The following CMIP variants were observed in gnomAD, a reference collection of about 807,000 sequenced individuals.
CMIP encodes the protein c-Maf inducing protein.
A neutral mutation model predicts 97.3 loss-of-function variants in CMIP; 13 were observed. The ratio of observed to expected loss-of-function variants is 0.13; its 90% CI spans 0.09 to 0.21. The LOEUF (loss-of-function observed/expected upper bound fraction) is 0.21. Ranked by LOEUF, CMIP falls within the 10% of genes least tolerant of loss-of-function variation. CMIP has a pLI of 1.00. For missense variants in CMIP, 847 were observed against 1,024.9 expected, an observed-to-expected ratio of 0.83 and a Z score of 2.37; for synonymous variants, 538 against 436.3, an observed-to-expected ratio of 1.23 and a Z score of -2.91.
intron 6 of CMIP, among the ~76,000 whole-genome samples, chr16:81,661,584 A>G (rs956084167): frequency 6.6e-6 from 1 of 152,070 alleles, no homozygotes; most frequent in African/African-American, 2.4e-5. Flanking sequence ...GCTGGTCCTC[A>G]TCCCTCCCCG....
At chr16:81,591,564 A>G (rs2091467296) in intron 1 of CMIP, among the ~76,000 whole-genome samples, 1 of 152,178 alleles carries the variant, frequency 6.6e-6, no homozygotes, top group Non-Finnish European at 1.5e-5. Context: ...GGCCAAAACA[A>G]GCCAGACACA....
intron 1 of CMIP, among the ~76,000 whole-genome samples, chr16:81,556,817 A>T (rs138133002): frequency 6.6e-6 from 1 of 152,346 alleles, no homozygotes; most frequent in African/African-American, 2.4e-5. Flanking sequence ...CACATAGGAG[A>T]CACCCAGTTT....
intron 2 of CMIP, among the ~76,000 whole-genome samples, chr16:81,615,514 C>T (rs1284398544): frequency 1.3e-4 from 15 of 111,114 alleles, no homozygotes; most frequent in Non-Finnish European, 2.0e-4. Context: ...TGTCTGTGTG[C>T]AGGTGTATGT....
At position 81,649,529 on chromosome 16, in the gene CMIP, C is replaced by T. The variant is rs566691642; in HGVS notation, c.478-2674C>T. On this transcript the variant is annotated intron_variant, in intron 3 of 20. Transcript: ENST00000537098. Reference sequence around the variant, plus strand: ...TATTTTGCAAGTTTAAATGAGACTTCGCTGGAATGATGTTCACCAAATATT... The same window carrying T: ...TATTTTGCAAGTTTAAATGAGACTTTGCTGGAATGATGTTCACCAAATATT... 6.6e-5 allele frequency among the ~76,000 whole-genome samples: 10 copies of T among 152,326 alleles called. No individual in the cohort carries two copies. The South Asian group carries it at 8.3e-4, about 13-fold the overall frequency.
intron 14 of CMIP, chr16:81,697,035 C>G (rs1906811337): frequency 8.1e-6 from 2 of 245,420 alleles, no homozygotes; most frequent in South Asian, 1.2e-4. Flanking sequence ...AAATTGAGTG[C>G]CCAACGGGAC....
chr16:81,475,976 G>C, intron 1 of CMIP: 2 of 482,294 alleles, frequency 4.1e-6, no homozygotes, highest in South Asian at 1.9e-5. Context: ...GACAGAGTGA[G>C]ACTCCTTCTC....
intron 1 of CMIP, among the ~76,000 whole-genome samples, chr16:81,517,058 T>C (rs933141387): frequency 6.6e-6 from 1 of 151,570 alleles, no homozygotes; most frequent in Non-Finnish European, 1.5e-5. Flanking sequence ...TTCAAGGTCA[T>C]CACTGAAAAG....
chr16:81,559,990 A>G (rs1286292911), intron 1 of CMIP, among the ~76,000 whole-genome samples: 2 of 151,782 alleles, frequency 1.3e-5, no homozygotes, highest in African/African-American at 4.8e-5. Context: ...TCTACCAAAA[A>G]TACAAAAATT....
chr16:81,676,917 T>C (rs1172247391), intron 9 of CMIP, among the ~76,000 whole-genome samples: 1 of 151,938 alleles, frequency 6.6e-6, no homozygotes, highest in Non-Finnish European at 1.5e-5. Flanking sequence ...ATGTGACACA[T>C]GTGGGGAAGG....
chr16:81,448,388 G>T (rs144466247), intron 1 of CMIP, among the ~76,000 whole-genome samples: 2 of 152,266 alleles, frequency 1.3e-5, no homozygotes, highest in Middle Eastern at 3.4e-3. Flanking sequence ...ATTTAAGACC[G>T]TGCTTCCAGG....
At chr16:81,596,050 C>T (rs983080384) in intron 1 of CMIP, among the ~76,000 whole-genome samples, 6 of 152,026 alleles carry the variant, frequency 3.9e-5, no homozygotes, top group Middle Eastern at 3.4e-3. Context: ...TTTTTGTCTA[C>T]GTTCTTTTAT....
At chr16:81,641,880 G>A (rs1055273211) in intron 3 of CMIP, among the ~76,000 whole-genome samples, 1 of 152,176 alleles carries the variant, frequency 6.6e-6, no homozygotes, top group African/African-American at 2.4e-5. Context: ...TCTCGGAGTG[G>A]CATGATGGTC....
In CMIP at chr16:81,607,593, C is replaced by G; in HGVS notation, c.327C>G (p.Val109=). 1.2e-6 allele frequency: 2 copies of G among 1,614,006 alleles called. No individual in the cohort carries two copies. Among genetic ancestry groups the G allele is most frequent in the Non-Finnish European group, 1.7e-6 (2 of 1,179,898 alleles). Residue 109 remains valine (V), a synonymous_variant, in exon 2 of 21, where the codon GTC becomes GTG. Coordinates refer to ENST00000537098, the MANE Select transcript of CMIP (RefSeq NM_198390.3). The part of the protein sequence containing the change: ...ATPTGYMENS[V]SYSAIEDVQL... ...CAACTGGGTACATGGAAAACTCAGT[C>G]TCCTACAGCGCAATTGAAGACGTTC...
chr16:81,623,087 C>G (rs2092014320), intron 3 of CMIP, among the ~76,000 whole-genome samples: 2 of 152,120 alleles, frequency 1.3e-5, no homozygotes, highest in Admixed American at 1.3e-4. Flanking sequence ...CCATGTGGTC[C>G]CAGCTACTTG....
intron 1 of CMIP, among the ~76,000 whole-genome samples, chr16:81,451,948 G>A (rs892094669): frequency 1.3e-5 from 2 of 152,220 alleles, no homozygotes; most frequent in Non-Finnish European, 2.9e-5. Flanking sequence ...GAGACTGTGC[G>A]CATTTTGAAA....
chr16:81,680,221 CCT>C (rs1362283388), intron 10 of CMIP, among the ~76,000 whole-genome samples: 1 of 152,180 alleles, frequency 6.6e-6, no homozygotes, highest in Non-Finnish European at 1.5e-5. Context: ...TCCCTGAGCC[CCT>C]GTGTCGTCAC....
intron 1 of CMIP, among the ~76,000 whole-genome samples, chr16:81,566,759 A>C (rs1005646451): frequency 6.6e-6 from 1 of 152,264 alleles, no homozygotes; most frequent in African/African-American, 2.4e-5. Flanking sequence ...CCAAGTATCC[A>C]TCAACAGTGG....
At chr16:81,496,927 G>C (rs748625763) in intron 1 of CMIP, among the ~76,000 whole-genome samples, 5 of 152,416 alleles carry the variant, frequency 3.3e-5, no homozygotes, top group East Asian at 3.9e-4. Context: ...CAGCCTGGCA[G>C]CTGGGCCATT....
chr16:81,605,418 C>CA (rs5818341), intron 1 of CMIP, among the ~76,000 whole-genome samples: 5,181 of 152,282 alleles, frequency 0.034, 217 homozygotes, highest in East Asian at 0.12. Flanking sequence ...ACCTGTGCAG[C>CA]AGCCTGCAGG....
Sources: gnomAD v4.1 joint callset for allele counts (sites outside exome capture counted in the v4.1 genomes callset) on GRCh38, gnomAD v4.1.1 for gene constraint, MANE v1.5 for transcripts, NCBI Gene and HGNC (gene_info 2026-07-23, HGNC 2026-07-21) for gene names.